SNRPA1: variants seen among roughly 807,000 people sequenced by gnomAD.
The protein encoded by SNRPA1 is U2 small nuclear ribonucleoprotein A'.
In SNRPA1, 5 loss-of-function variants were observed where a neutral mutation model predicts 32.3. That is an observed-to-expected ratio of 0.15 (90% CI 0.08 to 0.33). The LOEUF (loss-of-function observed/expected upper bound fraction) is 0.33. Among genes scored for constraint, SNRPA1 ranks in the 10% least tolerant of loss-of-function variants. The probability of loss-of-function intolerance (pLI) is 1.00; values close to 1 mark genes in which losing one functional copy is unlikely to be tolerated. For synonymous variants in SNRPA1, 111 were observed against 120.1 expected (o/e 0.92, Z 0.50); for missense variants, 198 against 311.1 (o/e 0.64, Z 2.74).
chr15:101,289,209 G>A (rs921320109), intron 3 of SNRPA1, among the ~76,000 whole-genome samples: 6 of 152,192 alleles, frequency 3.9e-5, no homozygotes, highest in African/African-American at 9.7e-5. Context: ...ACGTAATGGC[G>A]ATGTAGTGAT....
At chr15:101,291,698 A>C (rs942899558) in intron 3 of SNRPA1, among the ~76,000 whole-genome samples, 3 of 152,208 alleles carry the variant, frequency 2.0e-5, no homozygotes, top group Non-Finnish European at 4.4e-5. Flanking sequence ...CAAAAGGGCT[A>C]CAATAAAGAA....
chr15:101,281,777 T>G lies in SNRPA1; in HGVS notation c.715A>C (p.Thr239Pro). The G allele has an allele frequency of 6.2e-7, 1 of 1,614,054 alleles. No homozygotes were observed. Among genetic ancestry groups the G allele is most frequent in the Non-Finnish European group, 8.5e-7 (1 of 1,179,882 alleles). ...TCCATCTCTTCTTCACCATCATCAG[T>G]GGGCCCTAAAGAAAACCACCAAAGC... ...IPGRERRSGP[T>P]DDGEEEMEED... The change falls in exon 9 of 9, where the codon ACT becomes CCT. Residue 239 changes from threonine to proline, a missense_variant. This residue lies in a region of SNRPA1 where 77 missense variants were observed against 120.1 expected (regional missense o/e 0.64). Coordinates refer to ENST00000254193, the MANE Select transcript of SNRPA1 (RefSeq NM_003090.4).
At chr15:101,294,790 CAAACAGCCAGCGGCG>C (rs1202083228) in intron 1 of SNRPA1, 3 of 357,746 alleles carry the variant, frequency 8.4e-6, no homozygotes, top group Admixed American at 4.7e-5. Context: ...TCCGGGCCCT[CAAACAGCCAGCGGCG>C]AAACAGCCAA....
At chr15:101,282,884 A>C (rs1178441073) in intron 8 of SNRPA1, among the ~76,000 whole-genome samples, 5 of 152,192 alleles carry the variant, frequency 3.3e-5, no homozygotes, top group African/African-American at 1.2e-4. Context: ...TTTTCCCTGA[A>C]GTGACAGGCT....
At chr15:101,292,993 G>A (rs767856309) in intron 2 of SNRPA1, 32 bp downstream of exon 2, 5 of 1,524,288 alleles carry the variant, frequency 3.3e-6, no homozygotes, top group Admixed American at 3.8e-5. Flanking sequence ...TTACTCTAGG[G>A]GAAAAAATTA....
chr15:101,286,347 A>G, intron 5 of SNRPA1, 54 bp from the exon 6 acceptor site: 1 of 1,510,222 alleles, frequency 6.6e-7, no homozygotes, highest in Non-Finnish European at 9.2e-7. Flanking sequence ...ACATGCATTT[A>G]GATGCATTCC....
At chr15:101,293,637 G>C (rs1383836785) in intron 1 of SNRPA1, among the ~76,000 whole-genome samples, 4 of 152,138 alleles carry the variant, frequency 2.6e-5, no homozygotes. Context: ...CATCAGAACA[G>C]CCTCAACATA....
intron 3 of SNRPA1, among the ~76,000 whole-genome samples, chr15:101,291,385 C>T (rs2039524268): frequency 6.6e-6 from 1 of 152,106 alleles, no homozygotes; most frequent in East Asian, 1.9e-4. Context: ...TAATGCATAT[C>T]AGATATGTAA....
chr15:101,289,405 G>A (rs562651081), intron 3 of SNRPA1, among the ~76,000 whole-genome samples: 1 of 152,188 alleles, frequency 6.6e-6, no homozygotes, highest in African/African-American at 2.4e-5. Flanking sequence ...TTCCTACGAT[G>A]CTAACTCAAG....
chr15:101,285,950 C>T, intron 6 of SNRPA1, 149 bp from the exon 7 acceptor site: 1 of 649,896 alleles, frequency 1.5e-6, no homozygotes. Flanking sequence ...TTCAGAAACA[C>T]CATCCAGTTC....
At chr15:101,294,450 T>C (rs2039563965) in intron 1 of SNRPA1, among the ~76,000 whole-genome samples, 2 of 152,212 alleles carry the variant, frequency 1.3e-5, no homozygotes. Context: ...CCCAGTATCT[T>C]ACCAAGTCTT....
At chr15:101,293,759 C>A (rs1207180107) in intron 1 of SNRPA1, among the ~76,000 whole-genome samples, 1 of 152,134 alleles carries the variant, frequency 6.6e-6, no homozygotes, top group Non-Finnish European at 1.5e-5. Context: ...CTAATTTGGG[C>A]ATAATTATTG....
rs529954943 is a variant in SNRPA1 at position 101,281,528 on chromosome 15, G to A, written c.*196C>T. ...ACACAACTTGGTAGCATAGTGAGTG[G>A]AGTTTATTTTTATAATTTGTAGAAA... On this transcript the variant is annotated 3_prime_UTR_variant, in exon 9 of 9. Transcript: ENST00000254193. 1 of 559,500 alleles carries A rather than the reference G, an allele frequency of 1.8e-6. No individual in the cohort carries two copies. Among genetic ancestry groups the A allele is most frequent in the South Asian group, 2.2e-5 (1 of 46,370 alleles). 34.7% of individuals were successfully genotyped at this position (559,500 alleles called of 1,614,324 possible). A position where few individuals can be genotyped will look rare whatever the true frequency, so the allele number is the denominator to read the frequency against.
At chr15:101,287,494 T>C (rs886235161) in intron 4 of SNRPA1, among the ~76,000 whole-genome samples, 162 bp downstream of exon 4, 1 of 152,172 alleles carries the variant, frequency 6.6e-6, no homozygotes, top group African/African-American at 2.4e-5. Flanking sequence ...TTCATCCATG[T>C]CCCTACAGAG....
intron 8 of SNRPA1, among the ~76,000 whole-genome samples, chr15:101,284,506 C>G (rs1369432582): frequency 8.9e-6 from 1 of 112,252 alleles, no homozygotes; most frequent in Admixed American, 8.1e-5. Flanking sequence ...TCATGAAATA[C>G]CTTTTTTTTT....
intron 1 of SNRPA1, among the ~76,000 whole-genome samples, chr15:101,293,986 C>A (rs1235500896): frequency 6.6e-6 from 1 of 152,236 alleles, no homozygotes; most frequent in African/African-American, 2.4e-5. Context: ...GTAATCCCAG[C>A]ACTTCGGGAG....
intron 8 of SNRPA1, among the ~76,000 whole-genome samples, chr15:101,283,800 C>T (rs961176794): frequency 2.0e-5 from 3 of 152,118 alleles, no homozygotes; most frequent in African/African-American, 7.2e-5. Context: ...ATTAGCCGGG[C>T]ACGGTAGCAG....
At chr15:101,295,071 C>A in intron 1 of SNRPA1, 26 bp downstream of exon 1, 2 of 1,424,380 alleles carry the variant, frequency 1.4e-6, no homozygotes, top group South Asian at 2.6e-5. Context: ...CGCCTGGGGA[C>A]TGGCCGCCCA....
chr15:101,294,420 G>A (rs1370539998), intron 1 of SNRPA1, among the ~76,000 whole-genome samples: 1 of 152,206 alleles, frequency 6.6e-6, no homozygotes, highest in African/African-American at 2.4e-5. Context: ...CTCCTGAAAT[G>A]CCAACTAGCT....
Sources: allele counts gnomAD v4.1 joint callset (sites outside exome capture counted in the v4.1 genomes callset), GRCh38; gene constraint gnomAD v4.1.1; regional missense constraint gnomAD v4.1.1; transcripts MANE v1.5; gene names NCBI Gene and HGNC (gene_info 2026-07-23, HGNC 2026-07-21).